SETD7: variants seen among roughly 807,000 people sequenced by gnomAD.
SETD7 encodes the protein SET domain containing 7, histone lysine methyltransferase, also known as histone-lysine N-methyltransferase SETD7.
A neutral mutation model predicts 41.8 loss-of-function variants in SETD7; 16 were observed. The ratio of observed to expected loss-of-function variants is 0.38; its 90% CI spans 0.26 to 0.58. The LOEUF (loss-of-function observed/expected upper bound fraction) is 0.58. Ranked by LOEUF, SETD7 falls within the 20% of genes least tolerant of loss-of-function variation. The pLI is 0.64. For synonymous variants in SETD7, 163 were observed against 169.7 expected (o/e 0.96, Z 0.31); for missense variants, 346 against 459.7 (o/e 0.75, Z 2.26).
At chr4:139,519,701 C>T (rs901888624) in intron 6 of SETD7, among the ~76,000 whole-genome samples, 1 of 152,222 alleles carries the variant, frequency 6.6e-6, no homozygotes, top group African/African-American at 2.4e-5. Flanking sequence ...GGAAGGAGCG[C>T]ATAAGCTGTG....
At position 139,515,947 on chromosome 4, in the gene SETD7, A is replaced by G. The variant is rs148216233; in HGVS notation, c.920+1938T>C. Among the ~76,000 whole-genome samples, 161 of 152,354 alleles carry G rather than the reference A, an allele frequency of 1.1e-3. 2 individuals are homozygous for G. The South Asian group carries it at 0.012, about 11-fold the overall frequency. On this transcript the variant is annotated intron_variant, in intron 7 of 7. Transcript: ENST00000274031. ...GAGCTGGCATTCTCAGGCCAAGCTAAGGAGAGCAACGATGATGGCACAAAG... is the reference window on the plus strand; with the variant it reads ...GAGCTGGCATTCTCAGGCCAAGCTAGGGAGAGCAACGATGATGGCACAAAG...
intron 2 of SETD7, among the ~76,000 whole-genome samples, chr4:139,538,366 G>C (rs182178130): frequency 8.9e-4 from 136 of 152,194 alleles, no homozygotes; most frequent in Non-Finnish European, 1.6e-3. Context: ...AAGTCTTGCT[G>C]TCGCCTAGGC....
At chr4:139,535,529 C>A (rs894580378) in intron 2 of SETD7, among the ~76,000 whole-genome samples, 1 of 152,182 alleles carries the variant, frequency 6.6e-6, no homozygotes, top group Non-Finnish European at 1.5e-5. Context: ...ATCAAATCTA[C>A]AAGAAACAGG....
At position 139,506,456 on chromosome 4, in the gene SETD7, A is replaced by G. The variant is rs1726705767; in HGVS notation, c.*5207T>C. 6.6e-6 allele frequency: 1 copy of G among 152,614 alleles called. No individual in the cohort carries two copies. The highest frequency in any genetic ancestry group is 2.1e-4 in the South Asian group (1 of 4,836). The allele number at this position is 152,614 out of a possible 1,614,324, so 9.5% of individuals were successfully genotyped here. ...TTTCAGGATAAAGAGAGAACATAGAACACCCAGGAGGAAACTTTTGAAGAA... is the reference window on the plus strand; with the variant it reads ...TTTCAGGATAAAGAGAGAACATAGAGCACCCAGGAGGAAACTTTTGAAGAA... On this transcript the variant is annotated 3_prime_UTR_variant, in exon 8 of 8. Transcript: ENST00000274031.
At chr4:139,533,403 C>A in intron 2 of SETD7, 37 bp from the exon 3 acceptor site, 1 of 1,535,510 alleles carries the variant, frequency 6.5e-7, no homozygotes, top group South Asian at 1.2e-5. Flanking sequence ...AATAGTCAGA[C>A]CATGACTTGA....
intron 1 of SETD7, among the ~76,000 whole-genome samples, chr4:139,547,806 C>G (rs999177197): frequency 6.6e-6 from 1 of 152,214 alleles, no homozygotes; most frequent in African/African-American, 2.4e-5. Flanking sequence ...CCGTCCACCA[C>G]TGTGTCTCAG....
At chr4:139,547,670 A>G (rs1321654914) in intron 1 of SETD7, among the ~76,000 whole-genome samples, 1 of 152,236 alleles carries the variant, frequency 6.6e-6, no homozygotes. Context: ...AGATTTATAT[A>G]GCTCATTGTA....
At chr4:139,514,681 A>AC (rs1334086146) in intron 7 of SETD7, among the ~76,000 whole-genome samples, 2 of 152,208 alleles carry the variant, frequency 1.3e-5, no homozygotes, top group African/African-American at 2.4e-5. Flanking sequence ...CTAGCACAGC[A>AC]CCAGCCCGTA....
chr4:139,532,890 C>A (rs1464587602), intron 3 of SETD7: 5 of 527,046 alleles, frequency 9.5e-6, no homozygotes, highest in African/African-American at 1.9e-5. Flanking sequence ...ATTAGTGATA[C>A]AATAAAACCA....
chr4:139,540,823 C>A (rs1256902024), intron 2 of SETD7, among the ~76,000 whole-genome samples: 2 of 152,266 alleles, frequency 1.3e-5, no homozygotes, highest in East Asian at 3.9e-4. Context: ...ACTTTTGCCG[C>A]ATGTGGGAGG....
In SETD7 at chr4:139,555,999, G is replaced by T; in HGVS notation, c.40+99C>A. 2.4e-6 allele frequency: 3 copies of T among 1,275,872 alleles called. No homozygotes were observed. The East Asian group carries it at 9.3e-5, about 39-fold the overall frequency. The allele number at this position is 1,275,872 out of a possible 1,614,324, so 79.0% of individuals were successfully genotyped here. ...GGCCACCCGTGTAGGGGACAGTGGC[G>T]GCCGCGGGGCCCGGCGCCGCGCTGT... On this transcript the variant is annotated intron_variant, in intron 1 of 7. Coordinates refer to ENST00000274031, the MANE Select transcript of SETD7 (RefSeq NM_030648.4). The surrounding 1 kb of genome is among the most constrained non-coding windows in gnomAD (Gnocchi z 4.0).
At chr4:139,496,545 TGAG>T in intron 7 of SETD7, 1 of 700,430 alleles carries the variant, frequency 1.4e-6, no homozygotes, top group Non-Finnish European at 2.6e-6. Flanking sequence ...AGCAACTGGC[TGAG>T]AACGTTTTCA....
At chr4:139,546,682 T>A in intron 2 of SETD7, 1 of 525,734 alleles carries the variant, frequency 1.9e-6, no homozygotes, top group Non-Finnish European at 3.3e-6. Flanking sequence ...AAATCTGGTA[T>A]CTTTTGGCCA....
downstream of SETD7, among the ~76,000 whole-genome samples, chr4:139,502,434 C>T (rs1023531279): frequency 5.3e-5 from 8 of 152,128 alleles, no homozygotes; most frequent in East Asian, 1.9e-4. Context: ...TTGAAGGGCA[C>T]GAGGGCAGAG....
intron 2 of SETD7, among the ~76,000 whole-genome samples, chr4:139,545,456 T>A (rs1249577999): frequency 6.6e-6 from 1 of 152,190 alleles, no homozygotes; most frequent in African/African-American, 2.4e-5. Flanking sequence ...TGGGCCTCTA[T>A]GGCACTCAAG....
intron 4 of SETD7, among the ~76,000 whole-genome samples, chr4:139,527,312 G>A (rs1008572860): frequency 6.6e-6 from 1 of 152,236 alleles, no homozygotes; most frequent in African/African-American, 2.4e-5. Context: ...CCAGCACTAT[G>A]AGAGTCCGAG....
intron 5 of SETD7, among the ~76,000 whole-genome samples, chr4:139,522,563 T>A (rs555198024): frequency 2.6e-5 from 4 of 152,200 alleles, no homozygotes; most frequent in South Asian, 4.2e-4. Flanking sequence ...AAAGAAATTG[T>A]CTTGTGTTCC....
intron 1 of SETD7, among the ~76,000 whole-genome samples, chr4:139,550,513 A>T (rs949943972): frequency 3.3e-5 from 5 of 152,218 alleles, no homozygotes; most frequent in African/African-American, 1.2e-4. Context: ...ATCCCGGATT[A>T]GTTTTCCTAG....
intron 2 of SETD7, chr4:139,546,659 G>T: frequency 2.1e-6 from 1 of 468,828 alleles, no homozygotes; most frequent in Admixed American, 3.5e-5. Flanking sequence ...ACTTATGCAA[G>T]ATGGGGGCCC....
Sources: gnomAD v4.1 joint callset for allele counts (sites outside exome capture counted in the v4.1 genomes callset) on GRCh38, gnomAD v4.1.1 for gene constraint, Gnocchi (gnomAD v3.1) non-coding constraint, MANE v1.5 for transcripts, NCBI Gene and HGNC (gene_info 2026-07-23, HGNC 2026-07-21) for gene names.